Variants in LOC122526780 observed in about 807,000 individuals in gnomAD.
chr17:6,639,844 G>C, the LOC122526780 span: 1 of 152,930 alleles, frequency 6.5e-6, no homozygotes, highest in East Asian at 1.9e-4. The surrounding 1 kb of genome is among the most constrained non-coding windows in gnomAD (Gnocchi z 4.3). Flanking sequence ...CAGAGATCCC[G>C]GGCGACCTTT....
At chr17:6,637,430 C>A in the LOC122526780 span, 1 of 152,478 alleles carries the variant, frequency 6.6e-6, no homozygotes, top group Admixed American at 6.5e-5. Context: ...CCTGAGCCGT[C>A]ATCCCCAGAG....
At chr17:6,637,705 G>C in the LOC122526780 span, 4 of 152,548 alleles carry the variant, frequency 2.6e-5, no homozygotes, top group African/African-American at 9.7e-5. Flanking sequence ...GGTCGAGGTG[G>C]GCACCTCCAT....
At chr17:6,637,967 CAGG>C in the LOC122526780 span, 1 of 152,482 alleles carries the variant, frequency 6.6e-6, no homozygotes, top group Non-Finnish European at 1.5e-5. Flanking sequence ...TCGGTGGCCA[CAGG>C]AGCCCTGACC....
At chr17:6,640,081 G>A in the LOC122526780 span, 1 of 152,764 alleles carries the variant, frequency 6.5e-6, no homozygotes, top group African/African-American at 2.4e-5. Flanking sequence ...CGTCCCCCAT[G>A]GCCGCTGACG....
At chr17:6,637,448 C>G in the LOC122526780 span, 5 of 152,464 alleles carry the variant, frequency 3.3e-5, no homozygotes, top group African/African-American at 1.2e-4. Flanking sequence ...GAGCCCGTAT[C>G]CCCTACCATT....
At chr17:6,639,797 G>GCA in the LOC122526780 span, 2 of 152,684 alleles carry the variant, frequency 1.3e-5, no homozygotes, top group African/African-American at 2.4e-5. The surrounding 1 kb of genome is among the most constrained non-coding windows in gnomAD (Gnocchi z 4.3). Context: ...CTCATAGCCT[G>GCA]CACCTTCAGC....
At chr17:6,637,893 T>G in the LOC122526780 span, 1 of 152,806 alleles carries the variant, frequency 6.5e-6, no homozygotes, top group Non-Finnish European at 1.5e-5. Flanking sequence ...CTGACAAGCC[T>G]GAAAAGCCTC....
chr17:6,639,707 C>G, the LOC122526780 span: 1 of 153,018 alleles, frequency 6.5e-6, no homozygotes, highest in Non-Finnish European at 1.5e-5. The surrounding 1 kb of genome is among the most constrained non-coding windows in gnomAD (Gnocchi z 4.3). Flanking sequence ...CGGCCAGGAA[C>G]ACCCCTTTCG....
chr17:6,639,345 C>T, the LOC122526780 span: 3 of 153,140 alleles, frequency 2.0e-5, no homozygotes, highest in African/African-American at 7.2e-5. The surrounding 1 kb of genome is among the most constrained non-coding windows in gnomAD (Gnocchi z 4.3). Context: ...TGGCTCTGGG[C>T]GCTCCCACAG....
At chr17:6,639,055 G>A in the LOC122526780 span, 1 of 152,794 alleles carries the variant, frequency 6.5e-6, no homozygotes, top group Non-Finnish European at 1.5e-5. This position sits in a 1 kb window ranked among gnomAD's most constrained non-coding sequence, Gnocchi z 4.3. Context: ...TTCCTCTTCA[G>A]CAGCACAGGG....
the LOC122526780 span, chr17:6,638,181 G>A: frequency 6.6e-6 from 1 of 151,738 alleles, no homozygotes; most frequent in Non-Finnish European, 1.5e-5. Flanking sequence ...ATTCCTCCCC[G>A]CCTGACCACA....
At chr17:6,638,882 C>T in the LOC122526780 span, 3 of 153,340 alleles carry the variant, frequency 2.0e-5, no homozygotes, top group Non-Finnish European at 4.3e-5. Flanking sequence ...TGTTGTATCC[C>T]CCACAGGCCT....
chr17:6,639,887 TCTC>T, the LOC122526780 span: 5 of 152,366 alleles, frequency 3.3e-5, no homozygotes, highest in Non-Finnish European at 7.3e-5. The surrounding 1 kb of genome is among the most constrained non-coding windows in gnomAD (Gnocchi z 4.3). Flanking sequence ...CTATCTTCGG[TCTC>T]CTCCTCCCCA....
the LOC122526780 span, chr17:6,639,578 C>G: frequency 6.5e-6 from 1 of 152,892 alleles, no homozygotes; most frequent in Non-Finnish European, 1.5e-5. This position sits in a 1 kb window ranked among gnomAD's most constrained non-coding sequence, Gnocchi z 4.3. Context: ...AAGGCTCTCT[C>G]GTAAGCTGCC....
chr17:6,639,107 CCA>C, the LOC122526780 span: 1 of 152,688 alleles, frequency 6.5e-6, no homozygotes, highest in Non-Finnish European at 1.5e-5. The surrounding 1 kb of genome is among the most constrained non-coding windows in gnomAD (Gnocchi z 4.3). Flanking sequence ...CCGGGCATAC[CCA>C]CAGAGTCTGT....
the LOC122526780 span, chr17:6,637,768 C>T: frequency 1.3e-5 from 2 of 152,424 alleles, no homozygotes. Flanking sequence ...TCTTTCACCC[C>T]ACAATTCTGA....
At chr17:6,640,217 G>A in the LOC122526780 span, 2 of 152,168 alleles carry the variant, frequency 1.3e-5, no homozygotes, top group Non-Finnish European at 2.9e-5. Context: ...CGAACCCCCC[G>A]CCCCGACCTG....
the LOC122526780 span, chr17:6,638,738 G>A: frequency 3.3e-5 from 5 of 153,340 alleles, no homozygotes; most frequent in Admixed American, 3.3e-4. Flanking sequence ...CCCCCGCTGT[G>A]GCTCAGCTCT....
chr17:6,638,717 A>T, the LOC122526780 span: 60 of 153,136 alleles, frequency 3.9e-4, no homozygotes, highest in African/African-American at 1.4e-3. Flanking sequence ...TGTCCGTCCC[A>T]CAGGCCCAGG....
Sources: allele counts gnomAD v4.1 joint callset, GRCh38; gene constraint gnomAD v4.1.1; non-coding constraint Gnocchi (gnomAD v3.1); transcripts MANE v1.5.